Variants in BABAM2 observed in about 807,000 individuals in gnomAD.
BABAM2 encodes the protein BRISC and BRCA1-A complex member 2.
BABAM2 carries 31 observed loss-of-function variants against 54.7 expected under a neutral mutation model. The observed-to-expected ratio is 0.57, with a 90% CI of 0.43 to 0.77. BABAM2 has a LOEUF of 0.77. BABAM2 is among the 30% of genes least tolerant of loss of function. BABAM2 has a pLI of 0.00. For missense variants in BABAM2, 364 were observed against 455.8 expected (o/e 0.80, Z 1.83); for synonymous variants, 167 against 162.9 (o/e 1.03, Z -0.19).
intron 7 of BABAM2, among the ~76,000 whole-genome samples, chr2:28,184,559 A>G (rs2147895961): frequency 6.9e-6 from 1 of 144,332 alleles, no homozygotes; most frequent in East Asian, 2.0e-4. Context: ...GTTCCCACCT[A>G]CGAGTAAGAA....
chr2:28,130,030 CTTAT>C (rs921131098), intron 7 of BABAM2, among the ~76,000 whole-genome samples: 1 of 152,142 alleles, frequency 6.6e-6, no homozygotes, highest in African/African-American at 2.4e-5. Context: ...GCTTTAGTAG[CTTAT>C]TCTACTTCAA....
At chr2:28,189,167 C>T (rs62139083) in intron 7 of BABAM2, among the ~76,000 whole-genome samples, 32,866 of 151,226 alleles carry the variant, frequency 0.22, 3,768 homozygotes, top group South Asian at 0.41. Context: ...TCCCACTGCA[C>T]TCCAGTCTGG....
In BABAM2 at chr2:28,047,141, T is replaced by G. The variant is rs1230456047; in HGVS notation, c.570+1342T>G. Among the ~76,000 whole-genome samples, 3 of 152,328 alleles carry G rather than the reference T, an allele frequency of 2.0e-5. No individual in the cohort carries two copies. In the East Asian group the frequency reaches 5.8e-4, roughly 29 times the overall value. On this transcript the variant is annotated intron_variant, in intron 6 of 11. Coordinates refer to ENST00000379624, the MANE Select transcript of BABAM2 (RefSeq NM_199191.3). ...AGTTTCCAGTTGACTAGTTCTCCATTTTGTACCCAAGAGTTGTAAAGTCCA... is the reference window on the plus strand; with the variant it reads ...AGTTTCCAGTTGACTAGTTCTCCATGTTGTACCCAAGAGTTGTAAAGTCCA...
In BABAM2 at chr2:28,298,642, A is replaced by G. The variant is rs10193565; in HGVS notation, c.1088+151A>G. On this transcript the variant is annotated intron_variant, in intron 11 of 11. Transcript: ENST00000379624. The stretch of plus-strand genomic sequence containing the variant: ...GAAACACAGCAACACCCATTTCTTT[A>G]CTTATTATCTGTGGCCGCTTTAATG... 3.7e-3 allele frequency: 3,626 copies of G among 990,780 alleles called. 93 individuals are homozygous for G. The African/African-American group carries it at 0.052, about 14-fold the overall frequency. The allele number at this position is 990,780 out of a possible 1,614,324, so 61.4% of individuals were successfully genotyped here.
intron 11 of BABAM2, among the ~76,000 whole-genome samples, chr2:28,306,796 A>G (rs1481842740): frequency 6.6e-6 from 1 of 151,524 alleles, no homozygotes; most frequent in East Asian, 1.9e-4. Flanking sequence ...TCCTGGGTTC[A>G]AGCAATTCTC....
At chr2:28,316,131 G>A (rs1435455083) in intron 11 of BABAM2, among the ~76,000 whole-genome samples, 2 of 152,040 alleles carry the variant, frequency 1.3e-5, no homozygotes, top group Non-Finnish European at 2.9e-5. Context: ...CAGTATTGAG[G>A]ACATACTTAT....
chr2:28,319,151 T>C (rs1272881950), intron 11 of BABAM2, among the ~76,000 whole-genome samples: 1 of 152,228 alleles, frequency 6.6e-6, no homozygotes, highest in Non-Finnish European at 1.5e-5. Flanking sequence ...TTTATAGAAT[T>C]GCGTCCCAGT....
At chr2:27,888,873 C>G (rs1355308521), upstream of BABAM2, among the ~76,000 whole-genome samples, 2 of 152,174 alleles carry the variant, frequency 1.3e-5, no homozygotes, top group South Asian at 4.1e-4. Flanking sequence ...AGTTTACTTA[C>G]TCTTGCTCTA....
chr2:28,319,341 C>T (rs992127053), intron 11 of BABAM2, among the ~76,000 whole-genome samples: 1 of 152,244 alleles, frequency 6.6e-6, no homozygotes, highest in Non-Finnish European at 1.5e-5. Flanking sequence ...GTCCCTTTGT[C>T]TGGGCCTCTG....
At chr2:28,206,354 G>C (rs1449338035) in intron 7 of BABAM2, among the ~76,000 whole-genome samples, 1 of 152,130 alleles carries the variant, frequency 6.6e-6, no homozygotes, top group East Asian at 1.9e-4. Context: ...AGAGAGCCAG[G>C]AGACTTCTGC....
chr2:27,981,064 T>C (rs1671960172), intron 3 of BABAM2, among the ~76,000 whole-genome samples: 1 of 152,132 alleles, frequency 6.6e-6, no homozygotes, highest in South Asian at 2.1e-4. Context: ...AAAGTCTGTC[T>C]TTAACATTAT....
In BABAM2 at chr2:28,038,779, C is replaced by T. The variant is rs187255216; in HGVS notation, c.496-6946C>T. On this transcript the variant is annotated intron_variant, in intron 5 of 11. Transcript: ENST00000379624. ...TGTACCACATTTTAAAAATCCAGTTCACCACTGATGGGCACCTAGGTAGTT... is the reference window on the plus strand; with the variant it reads ...TGTACCACATTTTAAAAATCCAGTTTACCACTGATGGGCACCTAGGTAGTT... 9.2e-5 allele frequency among the ~76,000 whole-genome samples: 14 copies of T among 152,256 alleles called. No individual in the cohort carries two copies. The East Asian group carries it at 2.7e-3, about 29-fold the overall frequency.
rs144179050 is a variant in BABAM2 at position 28,338,121 on chromosome 2, C to T, written c.1089-329C>T. Among the ~76,000 whole-genome samples, 878 of 152,360 alleles carry T rather than the reference C, an allele frequency of 5.8e-3. 8 individuals are homozygous for T. In the Middle Eastern group the frequency reaches 0.058, roughly 10 times the overall value. The stretch of plus-strand genomic sequence containing the variant: ...TGACTGCGTGGTTCAATTGCACACA[C>T]ACTGTCTTGTAGCTTGGACCAGGCC... On this transcript the variant is annotated intron_variant, in intron 11 of 11. Transcript: ENST00000379624.
Position 27,995,851 on chromosome 2 carries a change from A to G in BABAM2, c.300+7764A>G, listed in dbSNP as rs2148501882. 6.6e-6 allele frequency among the ~76,000 whole-genome samples: 1 copy of G among 152,248 alleles called. No homozygotes were observed. The highest frequency in any genetic ancestry group is 2.1e-4 in the South Asian group (1 of 4,828). ...CACCTCGGCCTCCCAAAGTGCTGGG[A>G]TTACAGGCGTGAGCCACTGCACCTG... is the stretch of plus-strand genomic sequence containing the variant. On this transcript the variant is annotated intron_variant, in intron 4 of 11. Transcript: ENST00000379624. The surrounding 1 kb of genome is among the most constrained non-coding windows in gnomAD (Gnocchi z 4.1).
At chr2:28,154,018 C>T (rs1207535373) in intron 7 of BABAM2, among the ~76,000 whole-genome samples, 2 of 152,188 alleles carry the variant, frequency 1.3e-5, no homozygotes, top group African/African-American at 2.4e-5. Context: ...GCCCAAGTCA[C>T]TGTGCCTGCT....
At chr2:28,142,075 C>T (rs554703789) in intron 7 of BABAM2, among the ~76,000 whole-genome samples, 17 of 151,780 alleles carry the variant, frequency 1.1e-4, no homozygotes, top group African/African-American at 1.4e-4. Flanking sequence ...GTTGGAGGAA[C>T]GGTCTAACAT....
At position 28,045,720 on chromosome 2, in the gene BABAM2, T is replaced by C. The variant is rs776786035; in HGVS notation, c.496-5T>C. The C allele has an allele frequency of 1.6e-5, 26 of 1,608,406 alleles. No individual in the cohort carries two copies. The highest frequency in any genetic ancestry group is 2.2e-5 in the Non-Finnish European group (26 of 1,176,262). Reference sequence around the variant, plus strand: ...AATCTTATTATTATAACTTTCTTTTTACAGACTGGTGAATTTTCAGCTCGT... The same window carrying C: ...AATCTTATTATTATAACTTTCTTTTCACAGACTGGTGAATTTTCAGCTCGT... On this transcript the variant is annotated splice_polypyrimidine_tract_variant and splice_region_variant and intron_variant, in intron 5 of 11. Transcript: ENST00000379624.
At chr2:28,323,119 G>C (rs1051322827) in intron 11 of BABAM2, among the ~76,000 whole-genome samples, 2 of 152,214 alleles carry the variant, frequency 1.3e-5, no homozygotes, top group Non-Finnish European at 2.9e-5. Context: ...TCAAGTGACT[G>C]TGTGTCCCCT....
chr2:28,146,268 C>T (rs1183465625), intron 7 of BABAM2, among the ~76,000 whole-genome samples: 2 of 152,134 alleles, frequency 1.3e-5, no homozygotes, highest in East Asian at 3.9e-4. Context: ...TCTTTGAAGT[C>T]AGCAGACTAT....
Sources: allele counts gnomAD v4.1 joint callset (sites outside exome capture counted in the v4.1 genomes callset), GRCh38; gene constraint gnomAD v4.1.1; non-coding constraint Gnocchi (gnomAD v3.1); transcripts MANE v1.5; gene names NCBI Gene and HGNC (gene_info 2026-07-23, HGNC 2026-07-21).